FAM227B: variants seen among roughly 807,000 people sequenced by gnomAD.
FAM227B encodes protein FAM227B.
Under a neutral mutation model 73.8 loss-of-function variants are expected in FAM227B, and 88 were observed. That is an observed-to-expected ratio of 1.19 (90% CI 1.00 to 1.42). The LOEUF (loss-of-function observed/expected upper bound fraction) is 1.42. Among genes scored for constraint, FAM227B ranks in the 40% most tolerant of loss-of-function variants. FAM227B has a pLI of 0.00. For missense variants in FAM227B, 632 were observed against 590.9 expected, an observed-to-expected ratio of 1.07 and a Z score of -0.72; for synonymous variants, 210 against 190.5, an observed-to-expected ratio of 1.10 and a Z score of -0.84.
chr15:49,406,170 G>C (rs754925980), intron 11 of FAM227B, among the ~76,000 whole-genome samples: 1 of 152,172 alleles, frequency 6.6e-6, no homozygotes, highest in Non-Finnish European at 1.5e-5. Context: ...CTGATGGGTG[G>C]TGTCGGTCAA....
At chr15:49,573,484 G>A (rs551280749) in intron 8 of FAM227B, among the ~76,000 whole-genome samples, 3 of 152,168 alleles carry the variant, frequency 2.0e-5, no homozygotes, top group Non-Finnish European at 4.4e-5. Flanking sequence ...TGGGAGATGA[G>A]GCCTAATGGG....
At chr15:49,354,538 C>A (rs2042773188) in intron 13 of FAM227B, among the ~76,000 whole-genome samples, 1 of 152,186 alleles carries the variant, frequency 6.6e-6, no homozygotes, top group Non-Finnish European at 1.5e-5. Context: ...ACTTTTCCGA[C>A]CGGCTTAAAA....
Position 49,575,055 on chromosome 15 carries a change from G to A in FAM227B, c.601C>T (p.Leu201Phe). 2 of 1,600,602 alleles carry A rather than the reference G, an allele frequency of 1.2e-6. No homozygotes were observed. Among genetic ancestry groups the A allele is most frequent in the East Asian group, 2.3e-5 (1 of 43,992 alleles). The change falls in exon 8 of 16, where the codon CTT becomes TTT. Residue 201 changes from leucine to phenylalanine, a missense_variant. By Grantham distance (22) the Leu-to-Phe change is conservative (BLOSUM62 0). Transcript: ENST00000299338. ...CACCACCAAAAGGAGTCATGCAAAA[G>A]AGCAATGGAGGCTTCTGAGAGAAAA... ...THFLSEASIA[L>F]LHDSFWWWFL...
At chr15:49,609,623 G>A (rs1238612569) in intron 3 of FAM227B, among the ~76,000 whole-genome samples, 2 of 151,882 alleles carry the variant, frequency 1.3e-5, no homozygotes, top group Non-Finnish European at 2.9e-5. Context: ...CATAGCAGGT[G>A]TTCAAAAATA....
At chr15:49,601,928 A>T (rs961021400) in intron 3 of FAM227B, among the ~76,000 whole-genome samples, 1 of 152,202 alleles carries the variant, frequency 6.6e-6, no homozygotes, top group South Asian at 2.1e-4. Context: ...ATTTCACTCA[A>T]CATAAAAATT....
At chr15:49,551,091 C>T (rs1176812916) in intron 9 of FAM227B, among the ~76,000 whole-genome samples, 1 of 152,238 alleles carries the variant, frequency 6.6e-6, no homozygotes, top group East Asian at 1.9e-4. Flanking sequence ...ACCAGCCCAG[C>T]CAACACAGCG....
chr15:49,507,300 T>A (rs1007686143), intron 11 of FAM227B, among the ~76,000 whole-genome samples: 1 of 152,120 alleles, frequency 6.6e-6, no homozygotes, highest in Non-Finnish European at 1.5e-5. Flanking sequence ...AATTCTAGAA[T>A]CAGATTAACT....
chr15:49,333,335 A>G (rs2039139640), intron 14 of FAM227B, among the ~76,000 whole-genome samples: 1 of 152,166 alleles, frequency 6.6e-6, no homozygotes, highest in Non-Finnish European at 1.5e-5. Context: ...TGTGCCTATA[A>G]CTTTAACAAG....
chr15:49,339,091 CAGG>C (rs369929296), intron 13 of FAM227B, among the ~76,000 whole-genome samples: 1 of 152,146 alleles, frequency 6.6e-6, no homozygotes, highest in Non-Finnish European at 1.5e-5. Flanking sequence ...CTTTAGCTCG[CAGG>C]AGTTTGTTAT....
At chr15:49,433,537 G>A (rs2050806021) in intron 11 of FAM227B, among the ~76,000 whole-genome samples, 2 of 151,506 alleles carry the variant, frequency 1.3e-5, no homozygotes, top group Non-Finnish European at 3.0e-5. Context: ...TAAAAGCCTT[G>A]CTGAAATAAA....
intron 11 of FAM227B, among the ~76,000 whole-genome samples, chr15:49,505,895 A>G (rs2058547866): frequency 6.6e-6 from 1 of 152,032 alleles, no homozygotes; most frequent in Non-Finnish European, 1.5e-5. Flanking sequence ...ATTGTTTACA[A>G]AAAGTATATA....
At chr15:49,597,867 C>T (rs1434904209) in intron 3 of FAM227B, among the ~76,000 whole-genome samples, 1 of 151,512 alleles carries the variant, frequency 6.6e-6, no homozygotes, top group African/African-American at 2.4e-5. Flanking sequence ...AACTAGAAAA[C>T]CTAGAGGAGA....
intron 13 of FAM227B, among the ~76,000 whole-genome samples, chr15:49,341,985 G>T (rs2040802739): frequency 6.6e-6 from 1 of 152,190 alleles, no homozygotes; most frequent in Non-Finnish European, 1.5e-5. Context: ...TCTGTGTGCA[G>T]ATGATAGCAA....
chr15:49,385,774 T>G (rs2046846483), intron 11 of FAM227B, among the ~76,000 whole-genome samples: 2 of 151,776 alleles, frequency 1.3e-5, no homozygotes, highest in African/African-American at 4.8e-5. Context: ...CATGGAAAGA[T>G]TCAAATAAAC....
chr15:49,547,152 G>A (rs915038706), intron 9 of FAM227B, among the ~76,000 whole-genome samples: 11 of 152,108 alleles, frequency 7.2e-5, no homozygotes, highest in African/African-American at 2.7e-4. Flanking sequence ...AGAATTTTCA[G>A]CCCAGAATCT....
At chr15:49,578,556 C>T (rs2075614047) in intron 5 of FAM227B, among the ~76,000 whole-genome samples, 2 of 152,078 alleles carry the variant, frequency 1.3e-5, no homozygotes, top group African/African-American at 2.4e-5. Context: ...AAGTTTTACA[C>T]ACACAATACC....
intron 10 of FAM227B, among the ~76,000 whole-genome samples, chr15:49,532,791 C>A (rs187756381): frequency 6.6e-6 from 1 of 151,978 alleles, no homozygotes; most frequent in Non-Finnish European, 1.5e-5. Flanking sequence ...TAGAGTCACA[C>A]AGCTCTAACT....
intron 5 of FAM227B, among the ~76,000 whole-genome samples, chr15:49,583,980 A>C (rs1413767126): frequency 1.3e-5 from 2 of 152,094 alleles, no homozygotes; most frequent in East Asian, 3.9e-4. Context: ...CCAAAAACTT[A>C]AGGAAGAAGG....
intron 11 of FAM227B, among the ~76,000 whole-genome samples, chr15:49,395,231 T>C (rs2047494300): frequency 6.6e-6 from 1 of 152,190 alleles, no homozygotes; most frequent in Non-Finnish European, 1.5e-5. Context: ...TGCTTTGTTT[T>C]CAACTTTTCT....
Sources: gnomAD v4.1 joint callset for allele counts (sites outside exome capture counted in the v4.1 genomes callset) on GRCh38, gnomAD v4.1.1 for gene constraint, MANE v1.5 for transcripts, NCBI Gene and HGNC (gene_info 2026-07-23, HGNC 2026-07-21) for gene names.